The following SOX5 variants were observed in gnomAD, a reference collection of about 807,000 sequenced individuals.
The protein encoded by SOX5 is SRY-box transcription factor 5, also known as transcription factor SOX-5.
SOX5 carries 9 observed loss-of-function variants against 92.0 expected under a neutral mutation model. That is an observed-to-expected ratio of 0.10 (90% CI 0.06 to 0.17). The LOEUF (loss-of-function observed/expected upper bound fraction) is 0.17. Ranked by LOEUF, SOX5 falls within the 10% of genes least tolerant of loss-of-function variation. The pLI, the probability that SOX5 is intolerant of heterozygous loss-of-function variation, is 1.00. For synonymous variants in SOX5, 344 were observed against 336.3 expected (o/e 1.02, Z -0.25); for missense variants, 642 against 944.5 (o/e 0.68, Z 4.20).
intron 9 of SOX5, among the ~76,000 whole-genome samples, chr12:23,602,288 T>G (rs1278408421): frequency 6.6e-6 from 1 of 152,194 alleles, no homozygotes; most frequent in Non-Finnish European, 1.5e-5. Context: ...GTTCTATGAA[T>G]GTATAGAACT....
intron 3 of SOX5, among the ~76,000 whole-genome samples, chr12:23,830,796 C>A (rs144901059): frequency 2.0e-5 from 3 of 152,112 alleles, no homozygotes; most frequent in African/African-American, 7.2e-5. Context: ...AAATCTGAAG[C>A]TCTAGTTTAA....
chr12:23,835,716 CAT>C (rs1314865981), intron 3 of SOX5, among the ~76,000 whole-genome samples: 2 of 151,720 alleles, frequency 1.3e-5, no homozygotes, highest in African/African-American at 2.4e-5. Context: ...TTTAGATACA[CAT>C]GTGTGAAATG....
intron 4 of SOX5, among the ~76,000 whole-genome samples, chr12:24,021,680 T>C (rs1000256327): frequency 3.3e-4 from 51 of 152,326 alleles, no homozygotes; most frequent in African/African-American, 1.2e-3. Context: ...TATCTTACGA[T>C]AATGATGCCG....
At chr12:24,559,097 C>A (rs1367834826) in intron 1 of SOX5, among the ~76,000 whole-genome samples, 3 of 152,170 alleles carry the variant, frequency 2.0e-5, no homozygotes, top group Non-Finnish European at 4.4e-5. Context: ...ACTTTTATTT[C>A]ATTAACTATC....
intron 4 of SOX5, among the ~76,000 whole-genome samples, chr12:24,004,209 A>C (rs910758259): frequency 6.6e-6 from 1 of 151,830 alleles, no homozygotes; most frequent in African/African-American, 2.4e-5. Flanking sequence ...AGAAGAAAAC[A>C]GAAAAAAAAA....
chr12:23,739,547 T>C (rs2093722056), intron 5 of SOX5, among the ~76,000 whole-genome samples: 1 of 152,206 alleles, frequency 6.6e-6, no homozygotes, highest in Admixed American at 6.5e-5. Context: ...TCCTATGACA[T>C]TGCACTCCTG....
intron 1 of SOX5, among the ~76,000 whole-genome samples, chr12:24,395,429 C>T (rs1463923520): frequency 6.6e-6 from 1 of 152,126 alleles, no homozygotes; most frequent in Admixed American, 6.5e-5. Flanking sequence ...TATATTCTTT[C>T]CCAATTGCTC....
chr12:23,921,565 C>T (rs1162831985), intron 1 of SOX5, among the ~76,000 whole-genome samples: 1 of 152,160 alleles, frequency 6.6e-6, no homozygotes, highest in Non-Finnish European at 1.5e-5. Flanking sequence ...TTCTGTTTCA[C>T]TTGTTGGCAA....
At position 23,543,401 on chromosome 12, in the gene SOX5, T is replaced by A. The variant is rs371964472; in HGVS notation, c.1598-17A>T. ...CAGCACTTCCTGAAAACAGGAAACA[T>A]CACTTCGTGTTAGCGTTAAAACTTT... On this transcript the variant is annotated splice_polypyrimidine_tract_variant and intron_variant, in intron 12 of 14. Coordinates refer to ENST00000451604, the MANE Select transcript of SOX5 (RefSeq NM_006940.6). 22 of 1,605,676 alleles carry A rather than the reference T, an allele frequency of 1.4e-5. No individual in the cohort carries two copies. The Admixed American group carries it at 1.8e-4, about 13-fold the overall frequency.
chr12:24,268,599 AAAG>A (rs534656286), intron 3 of SOX5, among the ~76,000 whole-genome samples: 135 of 152,344 alleles, frequency 8.9e-4, no homozygotes, highest in South Asian at 8.1e-3. Context: ...ATGTACATCC[AAAG>A]ACTACTTTCA....
chr12:24,482,258 G>A (rs998788302), intron 1 of SOX5, among the ~76,000 whole-genome samples: 3 of 152,166 alleles, frequency 2.0e-5, no homozygotes, highest in Middle Eastern at 3.2e-3. Flanking sequence ...ATATGCCAGC[G>A]TAGGAACAGA....
intron 8 of SOX5, among the ~76,000 whole-genome samples, chr12:23,619,523 C>T (rs1451065145): frequency 1.3e-5 from 2 of 152,090 alleles, no homozygotes. Flanking sequence ...TAGCCTATGT[C>T]TTAGGAATCT....
chr12:24,185,386 G>C lies in SOX5; in HGVS notation c.-2+27957C>G, dbSNP rs185805834. On this transcript the variant is annotated intron_variant, in intron 4 of 4. Coordinates refer to the SOX5 transcript ENST00000446891. ...TTCTCAGACACTGCTAACCTCCCAA[G>C]CTATTTAAAATCTATTATTTCTCAT... Among the ~76,000 whole-genome samples the C allele has an allele frequency of 5.2e-4, 79 of 152,066 alleles. 2 individuals carry two copies. In the East Asian group the frequency reaches 0.014, roughly 26 times the overall value.
At chr12:24,204,230 C>T (rs928213615) in intron 4 of SOX5, among the ~76,000 whole-genome samples, 3 of 152,010 alleles carry the variant, frequency 2.0e-5, no homozygotes, top group Non-Finnish European at 2.9e-5. Context: ...TCTGCATGAA[C>T]ATTTAGATAG....
chr12:23,870,922 A>C (rs1439954689), intron 2 of SOX5, among the ~76,000 whole-genome samples: 1 of 152,102 alleles, frequency 6.6e-6, no homozygotes, highest in East Asian at 1.9e-4. Flanking sequence ...TCACTAAGGA[A>C]ATCTCTTTAT....
At chr12:24,514,646 A>G (rs1206693157) in intron 1 of SOX5, among the ~76,000 whole-genome samples, 1 of 152,218 alleles carries the variant, frequency 6.6e-6, no homozygotes, top group Non-Finnish European at 1.5e-5. Flanking sequence ...AAGACATGGA[A>G]TCAACCTAAA....
intron 7 of SOX5, among the ~76,000 whole-genome samples, chr12:23,648,581 G>A (rs2081168734): frequency 6.6e-6 from 1 of 152,132 alleles, no homozygotes; most frequent in African/African-American, 2.4e-5. Context: ...ACAAAATAGA[G>A]TCTGTCTGGT....
intron 1 of SOX5, among the ~76,000 whole-genome samples, chr12:24,454,291 C>T (rs1508224): frequency 0.34 from 51,119 of 152,090 alleles, 10,014 homozygotes; most frequent in Non-Finnish European, 0.45. Flanking sequence ...ATCACAATCC[C>T]ACTTAAGCAA....
At chr12:24,475,717 C>T (rs1468927822) in intron 1 of SOX5, among the ~76,000 whole-genome samples, 4 of 152,194 alleles carry the variant, frequency 2.6e-5, no homozygotes, top group Non-Finnish European at 5.9e-5. Context: ...TGCAGTGGCT[C>T]ACACCTGTAA....
Sources: allele counts gnomAD v4.1 joint callset (sites outside exome capture counted in the v4.1 genomes callset), GRCh38; gene constraint gnomAD v4.1.1; transcripts MANE v1.5; gene names NCBI Gene and HGNC (gene_info 2026-07-23, HGNC 2026-07-21).